EDA: variants seen among roughly 807,000 people sequenced by gnomAD.
The protein encoded by EDA is ectodysplasin A, also known as ectodysplasin-A.
Under a neutral mutation model 23.6 loss-of-function variants are expected in EDA, and 2 were observed. The observed-to-expected ratio is 0.08, with a 90% CI of 0.03 to 0.27. The LOEUF (loss-of-function observed/expected upper bound fraction) is 0.27. Ranked by LOEUF, EDA falls within the 10% of genes least tolerant of loss-of-function variation. EDA has a pLI of 1.00. For missense variants in EDA, 229 were observed against 324.2 expected (o/e 0.71, Z 2.26); for synonymous variants, 131 against 132.0 (o/e 0.99, Z 0.05).
intron 1 of EDA, among the ~76,000 whole-genome samples, chrX:69,759,738 T>G (rs2014239427): frequency 9.0e-6 from 1 of 110,671 alleles, no homozygotes; most frequent in Non-Finnish European, 1.9e-5. Flanking sequence ...AGTGCCTTCT[T>G]GGAAAGGTAG....
chrX:69,776,778 T>C (rs1013588862), intron 1 of EDA, among the ~76,000 whole-genome samples: 9 of 111,267 alleles, frequency 8.1e-5, no homozygotes, highest in Non-Finnish European at 1.5e-4. Flanking sequence ...CTGAAACAAG[T>C]TAGTTAGTAG....
chrX:69,743,965 A>G, intron 1 of EDA, among the ~76,000 whole-genome samples: 1 of 111,880 alleles, frequency 8.9e-6, no homozygotes, highest in Non-Finnish European at 1.9e-5. Flanking sequence ...TTCTTTTGGT[A>G]TTACAAGATA....
intron 1 of EDA, among the ~76,000 whole-genome samples, chrX:69,920,070 A>G (rs2018405723): frequency 1.8e-5 from 2 of 111,102 alleles, no homozygotes; most frequent in Admixed American, 1.9e-4. Context: ...GGGAATCTTC[A>G]TAGGGTGATC....
intron 1 of EDA, among the ~76,000 whole-genome samples, chrX:69,840,922 C>T (rs1416195704): frequency 8.9e-6 from 1 of 111,751 alleles, no homozygotes; most frequent in African/African-American, 3.2e-5. Context: ...ATCCCATTCA[C>T]AAAGGAAGAG....
chrX:70,038,867 A>T lies in EDA; in HGVS notation c.*3258A>T, dbSNP rs1253658617. On this transcript the variant is annotated 3_prime_UTR_variant, in exon 8 of 8. Transcript: ENST00000374552. ...AACTGAGGCCCAGAGAGGGAAGATG[A>T]CCTGCCCCAAGTGGTGAGCAAGCAC... 1 of 112,448 alleles carries T rather than the reference A, an allele frequency of 8.9e-6. No homozygotes were observed. Among genetic ancestry groups the T allele is most frequent in the East Asian group, 2.8e-4 (1 of 3,558 alleles). 9.3% of individuals were successfully genotyped at this position (112,448 alleles called of 1,213,427 possible).
intron 1 of EDA, among the ~76,000 whole-genome samples, chrX:69,691,740 A>G (rs187127761): frequency 9.0e-6 from 1 of 111,709 alleles, no homozygotes; most frequent in Admixed American, 9.5e-5. Context: ...CATTTCTGAG[A>G]CAATTCTGAC....
At chrX:69,800,901 A>C (rs2015669272) in intron 1 of EDA, among the ~76,000 whole-genome samples, 1 of 111,387 alleles carries the variant, frequency 9.0e-6, no homozygotes, top group African/African-American at 3.3e-5. Flanking sequence ...CAACACAAGA[A>C]CCATGTTGTA....
intron 2 of EDA, among the ~76,000 whole-genome samples, chrX:69,975,672 A>G (rs2019307856): frequency 8.9e-6 from 1 of 112,076 alleles, no homozygotes. Flanking sequence ...TGGGCTACAC[A>G]TAGACCAATG....
chrX:69,838,633 A>G (rs1457791535), intron 1 of EDA, among the ~76,000 whole-genome samples: 3 of 112,760 alleles, frequency 2.7e-5, no homozygotes, highest in African/African-American at 9.7e-5. Context: ...TCTCAAAAAA[A>G]ATAAATAAAA....
intron 1 of EDA, among the ~76,000 whole-genome samples, chrX:69,743,297 A>G (rs1319726967): frequency 1.8e-5 from 2 of 111,869 alleles, no homozygotes; most frequent in East Asian, 5.6e-4. Flanking sequence ...CACTGGAGAA[A>G]TTGTCTAAGG....
intron 1 of EDA, among the ~76,000 whole-genome samples, chrX:69,775,239 T>G (rs1435478187): frequency 9.0e-6 from 1 of 111,687 alleles, no homozygotes; most frequent in African/African-American, 3.2e-5. Flanking sequence ...TGTTCTTGTA[T>G]GAGTTTGATA....
In EDA at chrX:69,898,875, T is replaced by C. The variant is rs1240600684; in HGVS notation, c.397-58152T>C. On this transcript the variant is annotated intron_variant, in intron 1 of 7. Coordinates refer to ENST00000374552, the MANE Select transcript of EDA (RefSeq NM_001399.5). Reference sequence around the variant, plus strand: ...CAGCAGTCAGAATAGCAAGGTCCACTATGTTGTCTGATGTGCCTACAGCCA... The same window carrying C: ...CAGCAGTCAGAATAGCAAGGTCCACCATGTTGTCTGATGTGCCTACAGCCA... Among the ~76,000 whole-genome samples, 3 of 111,941 alleles carry C rather than the reference T, an allele frequency of 2.7e-5. No homozygotes were observed. In the East Asian group the frequency reaches 8.5e-4, roughly 32 times the overall value.
intron 1 of EDA, among the ~76,000 whole-genome samples, chrX:69,917,689 C>T (rs1394364646): frequency 9.0e-6 from 1 of 111,498 alleles, no homozygotes; most frequent in African/African-American, 3.3e-5. Flanking sequence ...CCCAGATTAA[C>T]TCTATTTTAT....
At chrX:69,724,573 G>A (rs1227591567) in intron 1 of EDA, among the ~76,000 whole-genome samples, 2 of 111,409 alleles carry the variant, frequency 1.8e-5, no homozygotes, top group African/African-American at 3.3e-5. Context: ...TGACCTAAGT[G>A]TCATAGAAGT....
At chrX:69,897,369 C>T (rs1209452326) in intron 1 of EDA, among the ~76,000 whole-genome samples, 1 of 111,611 alleles carries the variant, frequency 9.0e-6, no homozygotes, top group African/African-American at 3.3e-5. Context: ...CTTTCCTTTA[C>T]TTGTAAATCT....
intron 1 of EDA, among the ~76,000 whole-genome samples, chrX:69,677,704 A>C (rs1340472178): frequency 9.0e-6 from 1 of 110,512 alleles, no homozygotes; most frequent in African/African-American, 3.3e-5. Context: ...GTTTGAGTTC[A>C]TTGTAGATTC....
chrX:69,730,863 T>C (rs1004641967), intron 1 of EDA, among the ~76,000 whole-genome samples: 1 of 112,669 alleles, frequency 8.9e-6, no homozygotes, highest in African/African-American at 3.2e-5. Flanking sequence ...AGCAATTTTC[T>C]GCTTTTATCC....
intron 2 of EDA, among the ~76,000 whole-genome samples, chrX:69,977,621 G>T (rs1396264960): frequency 8.9e-6 from 1 of 112,234 alleles, no homozygotes; most frequent in African/African-American, 3.2e-5. Flanking sequence ...ATAAATTGGA[G>T]CTAGAAACAC....
intron 1 of EDA, among the ~76,000 whole-genome samples, chrX:69,857,664 TTATATC>T (rs1195304594): frequency 2.7e-5 from 3 of 111,802 alleles, no homozygotes; most frequent in African/African-American, 9.7e-5. Flanking sequence ...ACAATATTGA[TTATATC>T]TATCGATGAG....
Sources: gnomAD v4.1 joint callset for allele counts (sites outside exome capture counted in the v4.1 genomes callset) on GRCh38, gnomAD v4.1.1 for gene constraint, MANE v1.5 for transcripts, NCBI Gene and HGNC (gene_info 2026-07-23, HGNC 2026-07-21) for gene names.